The following PLCB1 variants were observed in gnomAD, a reference collection of about 807,000 sequenced individuals.
PLCB1 encodes 1-phosphatidylinositol 4,5-bisphosphate phosphodiesterase beta-1.
PLCB1 carries 46 observed loss-of-function variants against 161.8 expected under a neutral mutation model. The observed-to-expected ratio is 0.28, with a 90% CI of 0.22 to 0.36. The LOEUF is 0.36. PLCB1 is among the 10% of genes least tolerant of loss of function. The probability of loss-of-function intolerance (pLI) is 1.00; values close to 1 mark genes in which losing one functional copy is unlikely to be tolerated. For missense variants in PLCB1, 1,016 were observed against 1,472.5 expected (o/e 0.69, Z 5.07); for synonymous variants, 517 against 503.7 (o/e 1.03, Z -0.35).
chr20:8,859,495 G>A (rs957632297), intron 31 of PLCB1, among the ~76,000 whole-genome samples: 1 of 152,136 alleles, frequency 6.6e-6, no homozygotes, highest in African/African-American at 2.4e-5. Context: ...GCTTTCTAAA[G>A]TTCTGCTCTC....
chr20:8,274,063 GGATAT>G (rs141580605), intron 2 of PLCB1, among the ~76,000 whole-genome samples: 1,762 of 152,190 alleles, frequency 0.012, 18 homozygotes, highest in Non-Finnish European at 0.019. Context: ...GAAACTAGCT[GGATAT>G]TTTCAGTGGA....
chr20:8,800,762 G>C (rs764042460), intron 31 of PLCB1, among the ~76,000 whole-genome samples: 8 of 152,106 alleles, frequency 5.3e-5, no homozygotes, highest in Non-Finnish European at 1.0e-4. Flanking sequence ...ACAGTGAGCT[G>C]TTACAATTCT....
intron 31 of PLCB1, among the ~76,000 whole-genome samples, chr20:8,876,888 G>A (rs927972377): frequency 6.6e-5 from 10 of 152,138 alleles, no homozygotes. Context: ...GCCTTGTGAC[G>A]TCTGGACTCA....
chr20:8,813,702 A>G (rs1211393742), intron 31 of PLCB1, among the ~76,000 whole-genome samples: 1 of 152,150 alleles, frequency 6.6e-6, no homozygotes, highest in Non-Finnish European at 1.5e-5. Context: ...ATGGTAACAC[A>G]TGCCTGTAGT....
intron 31 of PLCB1, among the ~76,000 whole-genome samples, chr20:8,794,887 T>C (rs1983940841): frequency 6.6e-6 from 1 of 152,198 alleles, no homozygotes; most frequent in Non-Finnish European, 1.5e-5. Flanking sequence ...AGTTTTTCAG[T>C]GGCAAAGAAG....
At chr20:8,380,353 T>C (rs1032030674) in intron 3 of PLCB1, among the ~76,000 whole-genome samples, 13 of 152,352 alleles carry the variant, frequency 8.5e-5, no homozygotes, top group Middle Eastern at 6.8e-3. Flanking sequence ...ACTGTAGTAT[T>C]GTAGTATAGT....
At chr20:8,158,564 C>T (rs1470115105) in intron 2 of PLCB1, among the ~76,000 whole-genome samples, 1 of 152,106 alleles carries the variant, frequency 6.6e-6, no homozygotes, top group Non-Finnish European at 1.5e-5. Context: ...CCAACAGTCC[C>T]CCAAAGTCTT....
chr20:8,329,320 CT>C (rs11477930), intron 2 of PLCB1, among the ~76,000 whole-genome samples: 39,270 of 139,220 alleles, frequency 0.28, 5,110 homozygotes, highest in South Asian at 0.47. Context: ...AAAATAAATA[CT>C]TTTTTTTTTT....
At chr20:8,523,465 G>GCTCTCT (rs1174973173) in intron 3 of PLCB1, among the ~76,000 whole-genome samples, 2,339 of 48,640 alleles carry the variant, frequency 0.048, 146 homozygotes, top group African/African-American at 0.098. Context: ...TATATATTTG[G>GCTCTCT]CTCTCTCTCT....
intron 10 of PLCB1, among the ~76,000 whole-genome samples, chr20:8,694,839 T>A (rs1228227494): frequency 3.3e-5 from 5 of 152,218 alleles, no homozygotes; most frequent in African/African-American, 4.8e-5. Flanking sequence ...ACCGGTGCAA[T>A]TTTCTGCAGG....
chr20:8,586,356 GT>G (rs11479321), intron 3 of PLCB1, among the ~76,000 whole-genome samples: 65,362 of 147,206 alleles, frequency 0.44, 14,821 homozygotes, highest in South Asian at 0.58. Context: ...ATTTATTATG[GT>G]TTTTTTTTTT....
chr20:8,615,373 G>A (rs1027154170), intron 3 of PLCB1, among the ~76,000 whole-genome samples: 1 of 152,146 alleles, frequency 6.6e-6, no homozygotes, highest in Non-Finnish European at 1.5e-5. Flanking sequence ...ACGCTTTGGA[G>A]ATGCTTTTTT....
intron 4 of PLCB1, among the ~76,000 whole-genome samples, chr20:8,641,443 G>A (rs1988953576): frequency 6.6e-6 from 1 of 152,180 alleles, no homozygotes; most frequent in Non-Finnish European, 1.5e-5. Context: ...TTATAAAAAA[G>A]AATGCGAGGC....
intron 2 of PLCB1, among the ~76,000 whole-genome samples, chr20:8,289,595 G>A (rs1279161484): frequency 2.0e-5 from 3 of 152,264 alleles, no homozygotes; most frequent in Middle Eastern, 3.4e-3. Flanking sequence ...AATCCAGGCA[G>A]CCTGAATCCC....
rs1167790783 is a variant in PLCB1, at chr20:8,881,602, C to T, written c.3424-20C>T. The T allele has an allele frequency of 1.3e-6, 2 of 1,581,910 alleles. No homozygotes were observed. Among genetic ancestry groups the T allele is most frequent in the East Asian group, 2.2e-5 (1 of 44,732 alleles). On this transcript the variant is annotated intron_variant, in intron 31 of 31. Transcript: ENST00000338037. Reference sequence around the variant, plus strand: ...AAACATAAACAACTTCAAGTCATCTCCCCTCTTGATGTCTCTCAGCTGCAG... The same window carrying T: ...AAACATAAACAACTTCAAGTCATCTTCCCTCTTGATGTCTCTCAGCTGCAG...
At chr20:8,710,575 C>A (rs967272036) in intron 12 of PLCB1, among the ~76,000 whole-genome samples, 1 of 138,528 alleles carries the variant, frequency 7.2e-6, no homozygotes, top group Non-Finnish European at 1.5e-5. Context: ...AGTGCCATGG[C>A]ACAATCCTGG....
intron 2 of PLCB1, among the ~76,000 whole-genome samples, chr20:8,341,245 A>G (rs1985799480): frequency 6.6e-6 from 1 of 152,114 alleles, no homozygotes. Context: ...TGTACAGCCA[A>G]ACTCCTTAGA....
Position 8,681,112 on chromosome 20 carries a change from ATATATAT to A in PLCB1, c.863-3819_863-3813del, listed in dbSNP as rs1568558250. 7.4e-4 allele frequency among the ~76,000 whole-genome samples: 82 copies of A among 110,962 alleles called. 1 individual carries two copies. The highest frequency in any genetic ancestry group is 4.2e-3 in the Middle Eastern group (1 of 238). The allele number at this position is 110,962 out of a possible 152,430, so 72.8% of individuals were successfully genotyped here. On this transcript the variant is annotated intron_variant, in intron 9 of 31. Coordinates refer to ENST00000338037, the MANE Select transcript of PLCB1 (RefSeq NM_015192.4). ...TATATATATATATATATATATATAT[ATATATAT>A]AATATATATAAAATCAGTGTCTCAT...
At chr20:8,486,831 C>T (rs544452508) in intron 3 of PLCB1, among the ~76,000 whole-genome samples, 16 of 152,306 alleles carry the variant, frequency 1.1e-4, no homozygotes, top group Non-Finnish European at 2.2e-4. Context: ...GACAATCTTG[C>T]AAGGATGTAA....
Sources: gnomAD v4.1 joint callset for allele counts (sites outside exome capture counted in the v4.1 genomes callset) on GRCh38, gnomAD v4.1.1 for gene constraint, MANE v1.5 for transcripts, NCBI Gene and HGNC (gene_info 2026-07-23, HGNC 2026-07-21) for gene names.